SYNE1: variants seen among roughly 807,000 people sequenced by gnomAD.
SYNE1 encodes spectrin repeat containing nuclear envelope protein 1.
SYNE1 carries 616 observed loss-of-function variants against 1,111.0 expected under a neutral mutation model. That is an observed-to-expected ratio of 0.55 (90% CI 0.52 to 0.59). SYNE1 has a LOEUF of 0.59. Among genes scored for constraint, SYNE1 ranks in the 20% least tolerant of loss-of-function variants. SYNE1 has a pLI of 0.00. For missense variants in SYNE1, 10,006 were observed against 10,417.0 expected, an observed-to-expected ratio of 0.96 and a Z score of 1.72; for synonymous variants, 3,855 against 3,825.8, an observed-to-expected ratio of 1.01 and a Z score of -0.28.
At chr6:152,314,605 A>G (rs1436499793) in intron 87 of SYNE1, among the ~76,000 whole-genome samples, 1 of 152,150 alleles carries the variant, frequency 6.6e-6, no homozygotes, top group Non-Finnish European at 1.5e-5. Flanking sequence ...GGGTGGGGAC[A>G]GGGAATATCC....
At chr6:152,589,949 T>C (rs199505841) in intron 3 of SYNE1, among the ~76,000 whole-genome samples, 1 of 115,312 alleles carries the variant, frequency 8.7e-6, no homozygotes, top group Non-Finnish European at 1.8e-5. Flanking sequence ...TTTTTTTTTT[T>C]AAAGACAGGG....
intron 30 of SYNE1, 68 bp from the exon 31 acceptor site, chr6:152,442,313 A>G (rs2098538968): frequency 5.7e-6 from 9 of 1,584,532 alleles, no homozygotes; most frequent in Non-Finnish European, 7.7e-6. Flanking sequence ...GGACATCAAC[A>G]CCCACGCTTA....
chr6:152,406,956 T>C, intron 45 of SYNE1, 58 bp downstream of exon 45: 1 of 1,400,994 alleles, frequency 7.1e-7, no homozygotes, highest in Non-Finnish European at 9.6e-7. Flanking sequence ...TTTTTTTTTT[T>C]TCATATTCTG....
intron 104 of SYNE1, among the ~76,000 whole-genome samples, chr6:152,253,256 A>G (rs2089834043): frequency 6.6e-6 from 1 of 152,198 alleles, no homozygotes; most frequent in African/African-American, 2.4e-5. Flanking sequence ...TCCTGGCTCT[A>G]GTTCTTAATG....
chr6:152,617,215 G>A (rs574223257), intron 3 of SYNE1, among the ~76,000 whole-genome samples: 1 of 152,260 alleles, frequency 6.6e-6, no homozygotes, highest in South Asian at 2.1e-4. Context: ...CCAGCCTATA[G>A]GGACTTGTGC....
intron 127 of SYNE1, among the ~76,000 whole-genome samples, chr6:152,193,080 G>C (rs1214391764): frequency 6.6e-6 from 1 of 151,882 alleles, no homozygotes; most frequent in East Asian, 1.9e-4. Flanking sequence ...TGATAAGTAA[G>C]GACTTAATAC....
rs1332992965 is a variant in SYNE1, at chr6:152,221,541, C to G, written c.21541G>C (p.Glu7181Gln). Reference protein sequence around the residue: ...DNLQNLQDDLEKQERSLQKFG... With the variant: ...DNLQNLQDDLQKQERSLQKFG... ...TTCTGTAAGCTCCTTTCCTGTTTTT[C>G]CAGATCATCTTGGAGATTCTGCCCC... The change falls in exon 118 of 146, where the codon GAA (glutamate) becomes CAA (glutamine). Residue 7181 changes from glutamate to glutamine, a missense_variant. Physicochemically the swap from Glu to Gln is conservative, Grantham distance 29. Coordinates refer to ENST00000367255, the MANE Select transcript of SYNE1 (RefSeq NM_182961.4). 7.4e-6 allele frequency: 12 copies of G among 1,613,640 alleles called. No homozygotes were observed. The South Asian group carries it at 1.3e-4, about 18-fold the overall frequency.
chr6:152,199,422 T>C (rs1456745285), intron 127 of SYNE1, among the ~76,000 whole-genome samples: 2 of 152,236 alleles, frequency 1.3e-5, no homozygotes, highest in African/African-American at 4.8e-5. Flanking sequence ...TACTACTCAA[T>C]TTAAAACAAT....
rs540152723 is a variant in SYNE1, at chr6:152,165,742, A to G, written c.23628-1417T>C. Reference sequence around the variant, plus strand: ...ACACTTCAAGGCATTGGCCTTGAACACTATTTCCAAGAACTTTTACATACA... The same window carrying G: ...ACACTTCAAGGCATTGGCCTTGAACGCTATTTCCAAGAACTTTTACATACA... On this transcript the variant is annotated intron_variant, in intron 130 of 145. Transcript: ENST00000367255. 6.6e-5 allele frequency among the ~76,000 whole-genome samples: 10 copies of G among 152,340 alleles called. No individual in the cohort carries two copies. The South Asian group carries it at 1.9e-3, about 28-fold the overall frequency.
chr6:152,413,632 A>G, intron 41 of SYNE1, 101 bp from the exon 42 acceptor site: 1 of 1,192,882 alleles, frequency 8.4e-7, no homozygotes, highest in Middle Eastern at 2.1e-4. Flanking sequence ...ACTCATTTAG[A>G]CAGCTAGAAA....
intron 8 of SYNE1, among the ~76,000 whole-genome samples, chr6:152,509,403 C>A (rs141657428): frequency 5.9e-5 from 9 of 151,772 alleles, no homozygotes; most frequent in Non-Finnish European, 7.4e-5. Flanking sequence ...ATTACAGGCA[C>A]GCGCCACCAC....
chr6:152,512,015 C>A (rs1467154945), intron 6 of SYNE1, among the ~76,000 whole-genome samples: 1 of 152,070 alleles, frequency 6.6e-6, no homozygotes, highest in Non-Finnish European at 1.5e-5. Context: ...CCCTTCAGAC[C>A]TCTAGCTCAA....
chr6:152,468,179 T>C (rs564199941), intron 16 of SYNE1, among the ~76,000 whole-genome samples: 1 of 152,266 alleles, frequency 6.6e-6, no homozygotes, highest in East Asian at 1.9e-4. Flanking sequence ...AGTGTAAATA[T>C]AATAAATATG....
chr6:152,372,890 CTGT>C (rs1369682801), intron 59 of SYNE1, 144 bp downstream of exon 59: 1 of 847,362 alleles, frequency 1.2e-6, no homozygotes, highest in Non-Finnish European at 2.0e-6. Context: ...CTATTCCTTA[CTGT>C]TAGCCCATTG....
At chr6:152,311,194 A>G (rs2095535379) in intron 87 of SYNE1, 1 of 350,572 alleles carries the variant, frequency 2.9e-6, no homozygotes, top group African/African-American at 2.1e-5. Flanking sequence ...GCAGTGAAAA[A>G]CCCAAACATA....
At chr6:152,536,168 C>T (rs1011175939) in intron 4 of SYNE1, among the ~76,000 whole-genome samples, 4 of 151,130 alleles carry the variant, frequency 2.6e-5, no homozygotes, top group Non-Finnish European at 5.9e-5. Flanking sequence ...TCTGCCTCCT[C>T]GGGCGCCTTG....
chr6:152,132,221 G>T lies in SYNE1; in HGVS notation c.26002-7C>A, dbSNP rs1047875180. 23 of 1,613,622 alleles carry T rather than the reference G, an allele frequency of 1.4e-5. No individual in the cohort carries two copies. The highest frequency in any genetic ancestry group is 1.9e-5 in the Non-Finnish European group (22 of 1,179,726). On this transcript the variant is annotated splice_region_variant and splice_polypyrimidine_tract_variant and intron_variant, in intron 143 of 145. Transcript: ENST00000367255. ...AAGACCAGGAAGACAAATCCTATGTGGGAGAAAGATTCTTTTAACAACTCC... is the reference window on the plus strand; with the variant it reads ...AAGACCAGGAAGACAAATCCTATGTTGGAGAAAGATTCTTTTAACAACTCC...
chr6:152,273,501 C>T (rs901732827), intron 98 of SYNE1, among the ~76,000 whole-genome samples: 14 of 151,924 alleles, frequency 9.2e-5, no homozygotes, highest in Middle Eastern at 6.8e-3. Context: ...AAAACTGATC[C>T]GTAAGAAAGT....
chr6:152,571,757 C>T (rs914365279), intron 3 of SYNE1, among the ~76,000 whole-genome samples: 7 of 152,018 alleles, frequency 4.6e-5, no homozygotes, highest in Admixed American at 2.0e-4. Context: ...AGGCATTTTC[C>T]CTGGCAGAGA....
Sources: gnomAD v4.1 joint callset for allele counts (sites outside exome capture counted in the v4.1 genomes callset) on GRCh38, gnomAD v4.1.1 for gene constraint, MANE v1.5 for transcripts, NCBI Gene and HGNC (gene_info 2026-07-23, HGNC 2026-07-21) for gene names.